The following BMP5 variants were observed in gnomAD, a reference collection of about 807,000 sequenced individuals.
The protein encoded by BMP5 is bone morphogenetic protein 5.
In BMP5, 23 loss-of-function variants were observed where a neutral mutation model predicts 46.6. The observed-to-expected ratio is 0.49, with a 90% CI of 0.35 to 0.70. The LOEUF (loss-of-function observed/expected upper bound fraction) is 0.70, where lower values mean the gene tolerates loss of function less well. Among genes scored for constraint, BMP5 ranks in the 30% least tolerant of loss-of-function variants. The pLI is 0.00. For synonymous variants in BMP5, 204 were observed against 191.9 expected, an observed-to-expected ratio of 1.06 and a Z score of -0.52; for missense variants, 545 against 565.6, an observed-to-expected ratio of 0.96 and a Z score of 0.37.
At chr6:55,755,819 G>T in intron 6 of BMP5, 137 bp from the exon 7 acceptor site, 1 of 833,050 alleles carries the variant, frequency 1.2e-6, no homozygotes, top group Non-Finnish European at 1.9e-6. Context: ...TTTATTCCAT[G>T]ACTGGGGTGG....
intron 1 of BMP5, among the ~76,000 whole-genome samples, chr6:55,834,607 T>G (rs1776745243): frequency 6.6e-6 from 1 of 152,186 alleles, no homozygotes; most frequent in Non-Finnish European, 1.5e-5. Context: ...ATTAAACTTT[T>G]TCATATGGCA....
chr6:55,869,909 C>T (rs1255304542), intron 1 of BMP5, among the ~76,000 whole-genome samples: 1 of 152,062 alleles, frequency 6.6e-6, no homozygotes, highest in Non-Finnish European at 1.5e-5. Context: ...TGATTTTCAA[C>T]TAATTTAAGC....
intron 1 of BMP5, among the ~76,000 whole-genome samples, chr6:55,845,485 A>G (rs947888839): frequency 6.6e-6 from 1 of 151,962 alleles, no homozygotes; most frequent in African/African-American, 2.4e-5. Flanking sequence ...AATATGTAAC[A>G]CTTCCCTTAC....
intron 1 of BMP5, among the ~76,000 whole-genome samples, chr6:55,867,539 G>T (rs1777678046): frequency 2.6e-5 from 4 of 152,158 alleles, no homozygotes; most frequent in Admixed American, 2.6e-4. Context: ...GGGAAGGGAT[G>T]AATGGGACAT....
At chr6:55,814,940 C>T (rs1310163488) in intron 2 of BMP5, among the ~76,000 whole-genome samples, 2 of 152,068 alleles carry the variant, frequency 1.3e-5, no homozygotes, top group Admixed American at 1.3e-4. Flanking sequence ...GACCACCAGC[C>T]TGATCAACAT....
rs532532765 is a variant in BMP5 at position 55,755,752 on chromosome 6, A to G, written c.1216-70T>C. On this transcript the variant is annotated intron_variant, in intron 6 of 6. Transcript: ENST00000370830. ...CATTCTTTTGCAGTTTTAAAATGGT[A>G]TGATTATTTTATCACTCATAATCAG... 130 of 1,446,766 alleles carry G rather than the reference A, an allele frequency of 9.0e-5. No homozygotes were observed. The African/African-American group carries it at 1.5e-3, about 16-fold the overall frequency. The allele number at this position is 1,446,766 out of a possible 1,614,324, so 89.6% of individuals were successfully genotyped here. A position where few individuals can be genotyped will look rare whatever the true frequency, so the allele number is the denominator to read the frequency against.
At chr6:55,819,558 A>G (rs1295568583) in intron 2 of BMP5, 97 bp downstream of exon 2, 2 of 1,042,024 alleles carry the variant, frequency 1.9e-6, no homozygotes, top group Non-Finnish European at 2.9e-6. Context: ...GCCCCCAAAA[A>G]AATAATTTGT....
chr6:55,769,426 A>G (rs1311148078), intron 4 of BMP5, among the ~76,000 whole-genome samples: 1 of 151,880 alleles, frequency 6.6e-6, no homozygotes, highest in Non-Finnish European at 1.5e-5. Context: ...CATTCATTCA[A>G]GTTTTATTAT....
At chr6:55,837,376 T>TAGATAGAC (rs1236672631) in intron 1 of BMP5, among the ~76,000 whole-genome samples, 2,331 of 149,586 alleles carry the variant, frequency 0.016, 25 homozygotes, top group East Asian at 0.026. Flanking sequence ...GATAGATAGA[T>TAGATAGAC]AGACAGACAG....
intron 1 of BMP5, among the ~76,000 whole-genome samples, chr6:55,857,808 G>A (rs763549661): frequency 2.0e-5 from 3 of 149,736 alleles, no homozygotes; most frequent in East Asian, 2.0e-4. Context: ...GTGAGATCTC[G>A]GCTCACTGCA....
intron 1 of BMP5, among the ~76,000 whole-genome samples, chr6:55,849,308 T>C (rs148546934): frequency 0.021 from 3,126 of 152,150 alleles, 53 homozygotes; most frequent in Non-Finnish European, 0.032. Context: ...CTGATAAAGG[T>C]CTTCTTATGT....
intron 4 of BMP5, among the ~76,000 whole-genome samples, chr6:55,765,671 T>C (rs1182119417): frequency 5.3e-5 from 8 of 152,146 alleles, no homozygotes; most frequent in Middle Eastern, 3.2e-3. Context: ...TTAATCATTA[T>C]TTTCTATACC....
intron 1 of BMP5, among the ~76,000 whole-genome samples, chr6:55,864,305 T>C (rs192063204): frequency 1.1e-3 from 160 of 152,312 alleles, no homozygotes; most frequent in African/African-American, 3.8e-3. Context: ...CGTTTGGAAT[T>C]GGAACCTTGT....
intron 3 of BMP5, 54 bp from the exon 4 acceptor site, chr6:55,774,297 G>T: frequency 6.6e-7 from 1 of 1,520,736 alleles, no homozygotes; most frequent in Non-Finnish European, 9.1e-7. Flanking sequence ...ACAATTACCT[G>T]ATGTGAATGA....
chr6:55,806,820 T>C (rs545821980), intron 2 of BMP5, among the ~76,000 whole-genome samples: 38 of 152,320 alleles, frequency 2.5e-4, no homozygotes, highest in African/African-American at 5.3e-4. Flanking sequence ...CATTTTATTC[T>C]CTTTGTAGCA....
At chr6:55,859,497 G>C (rs1777480515) in intron 1 of BMP5, among the ~76,000 whole-genome samples, 1 of 152,002 alleles carries the variant, frequency 6.6e-6, no homozygotes, top group Non-Finnish European at 1.5e-5. Context: ...ATATTCATAA[G>C]GAGAAAATGA....
chr6:55,844,418 T>C (rs1248207668), intron 1 of BMP5, among the ~76,000 whole-genome samples: 1 of 152,046 alleles, frequency 6.6e-6, no homozygotes, highest in East Asian at 1.9e-4. Context: ...TATAGTATCA[T>C]AAAGCTATAC....
rs1369996231 is a variant in BMP5, at chr6:55,859,488, T to C, written c.490+14888A>G. Among the ~76,000 whole-genome samples the C allele has an allele frequency of 2.0e-5, 3 of 152,198 alleles. No individual in the cohort carries two copies. In the East Asian group the frequency reaches 5.8e-4, roughly 29 times the overall value. On this transcript the variant is annotated intron_variant, in intron 1 of 6. Coordinates refer to ENST00000370830, the MANE Select transcript of BMP5 (RefSeq NM_021073.4). ...TGATATTATTCAGTCATCAAAAATA[T>C]ATTCATAAGGAGAAAATGAACAAAT... is the stretch of plus-strand genomic sequence containing the variant.
At position 55,755,091 on chromosome 6, in the gene BMP5, T is replaced by A. The variant is rs1187861236; in HGVS notation, c.*442A>T. On this transcript the variant is annotated 3_prime_UTR_variant, in exon 7 of 7. Coordinates refer to ENST00000370830, the MANE Select transcript of BMP5 (RefSeq NM_021073.4). The stretch of plus-strand genomic sequence containing the variant: ...CAAGAATTTTTGTTTGGGTTGTTAT[T>A]TTTTTAAGTCTTATTTCTAAATAAA... 6.6e-6 allele frequency: 1 copy of A among 152,450 alleles called. No homozygotes were observed. Among genetic ancestry groups the A allele is most frequent in the African/African-American group, 2.4e-5 (1 of 41,440 alleles). 9.4% of individuals were successfully genotyped at this position (152,450 alleles called of 1,614,324 possible).
Sources: allele counts gnomAD v4.1 joint callset (sites outside exome capture counted in the v4.1 genomes callset), GRCh38; gene constraint gnomAD v4.1.1; transcripts MANE v1.5; gene names NCBI Gene and HGNC (gene_info 2026-07-23, HGNC 2026-07-21).